FRMD4A: variants seen among roughly 807,000 people sequenced by gnomAD.
FRMD4A encodes the protein FERM domain containing 4A.
A neutral mutation model predicts 129.1 loss-of-function variants in FRMD4A; 29 were observed. The observed-to-expected ratio is 0.22, with a 90% CI of 0.17 to 0.31. The LOEUF (loss-of-function observed/expected upper bound fraction) is 0.31, where lower values mean the gene tolerates loss of function less well. FRMD4A is among the 10% of genes least tolerant of loss of function. The probability of loss-of-function intolerance (pLI) is 1.00; values close to 1 mark genes in which losing one functional copy is unlikely to be tolerated. For missense variants in FRMD4A, 1,272 were observed against 1,375.8 expected, an observed-to-expected ratio of 0.92 and a Z score of 1.19; for synonymous variants, 634 against 571.6, an observed-to-expected ratio of 1.11 and a Z score of -1.56.
At chr10:14,114,371 G>A (rs1299117438) in intron 2 of FRMD4A, among the ~76,000 whole-genome samples, 1 of 152,206 alleles carries the variant, frequency 6.6e-6, no homozygotes, top group East Asian at 1.9e-4. Context: ...ACCCCAGGAA[G>A]AGCCAGCGGA....
At chr10:14,037,425 C>T (rs1302394451) in intron 2 of FRMD4A, among the ~76,000 whole-genome samples, 2 of 152,172 alleles carry the variant, frequency 1.3e-5, no homozygotes, top group African/African-American at 4.8e-5. Flanking sequence ...GCCATGTTGG[C>T]CAGGCTGGTC....
chr10:13,652,681 C>T (rs74121363), intron 23 of FRMD4A, among the ~76,000 whole-genome samples: 3 of 152,186 alleles, frequency 2.0e-5, no homozygotes, highest in East Asian at 1.9e-4. Flanking sequence ...ACAGGAACAC[C>T]GAGCTGGGGC....
intron 2 of FRMD4A, among the ~76,000 whole-genome samples, chr10:13,877,283 G>A (rs1007569729): frequency 3.3e-5 from 5 of 152,136 alleles, no homozygotes; most frequent in Non-Finnish European, 5.9e-5. Context: ...CTAAACCTGT[G>A]TTGGATACAA....
chr10:14,302,471 A>T (rs1846216981), intron 2 of FRMD4A, among the ~76,000 whole-genome samples: 1 of 152,170 alleles, frequency 6.6e-6, no homozygotes, highest in African/African-American at 2.4e-5. Flanking sequence ...CCAGCTTCCA[A>T]CTTTGCCACG....
At chr10:14,044,197 T>G (rs1047749436) in intron 2 of FRMD4A, among the ~76,000 whole-genome samples, 3 of 152,196 alleles carry the variant, frequency 2.0e-5, no homozygotes, top group Non-Finnish European at 4.4e-5. Context: ...TGATTCTACC[T>G]TTTACATTCT....
intron 2 of FRMD4A, among the ~76,000 whole-genome samples, chr10:14,278,186 G>A (rs1327084083): frequency 1.3e-5 from 2 of 152,096 alleles, no homozygotes; most frequent in Non-Finnish European, 2.9e-5. Flanking sequence ...TTGGTTCTCA[G>A]GTCACTCAGT....
At chr10:14,265,331 A>G (rs938345551) in intron 2 of FRMD4A, among the ~76,000 whole-genome samples, 3 of 152,198 alleles carry the variant, frequency 2.0e-5, no homozygotes, top group Non-Finnish European at 4.4e-5. Context: ...GATGAAAATG[A>G]GTTGATGTTT....
At chr10:13,685,552 G>C in intron 15 of FRMD4A, 1 of 985,202 alleles carries the variant, frequency 1.0e-6, no homozygotes, top group African/African-American at 1.7e-5. Context: ...CAGGTTAACT[G>C]TGAATTTCAG....
intron 2 of FRMD4A, among the ~76,000 whole-genome samples, chr10:14,089,916 T>C (rs1465279240): frequency 6.6e-6 from 1 of 152,208 alleles, no homozygotes; most frequent in African/African-American, 2.4e-5. Flanking sequence ...TTCGTATATA[T>C]TGTACAGATT....
chr10:13,769,686 G>A (rs11594663), intron 6 of FRMD4A, among the ~76,000 whole-genome samples: 26,522 of 152,074 alleles, frequency 0.17, 3,002 homozygotes, highest in Non-Finnish European at 0.25. Context: ...TTGAATCAGT[G>A]GACTCAATAG....
chr10:13,678,790 T>C (rs1324306999), intron 15 of FRMD4A, among the ~76,000 whole-genome samples: 1 of 152,218 alleles, frequency 6.6e-6, no homozygotes, highest in African/African-American at 2.4e-5. Flanking sequence ...AAAAATTTTT[T>C]TAATTGGCAC....
Position 13,967,933 on chromosome 10 carries a change from C to A in FRMD4A, c.46-109021G>T, listed in dbSNP as rs542782973. Among the ~76,000 whole-genome samples, 10 of 152,314 alleles carry A rather than the reference C, an allele frequency of 6.6e-5. No homozygotes were observed. The East Asian group carries it at 1.7e-3, about 26-fold the overall frequency. On this transcript the variant is annotated intron_variant, in intron 2 of 24. Transcript: ENST00000357447. Reference sequence around the variant, plus strand: ...TGGTGGCGCATGCCTGTGGTCCCAACTACTTGGGAGGCTGAGGTGGAGGAT... The same window carrying A: ...TGGTGGCGCATGCCTGTGGTCCCAAATACTTGGGAGGCTGAGGTGGAGGAT...
chr10:13,884,182 A>ACT (rs1208227939), intron 2 of FRMD4A, among the ~76,000 whole-genome samples: 3 of 56,422 alleles, frequency 5.3e-5, no homozygotes, highest in South Asian at 8.0e-4. Context: ...ACACTCACAC[A>ACT]CACACACACA....
At chr10:13,910,765 T>C (rs576993410) in intron 2 of FRMD4A, among the ~76,000 whole-genome samples, 1 of 152,040 alleles carries the variant, frequency 6.6e-6, no homozygotes, top group Non-Finnish European at 1.5e-5. Flanking sequence ...AATAAACAAT[T>C]ATGCACACAG....
intron 14 of FRMD4A, among the ~76,000 whole-genome samples, chr10:13,699,372 C>T (rs752564372): frequency 5.9e-5 from 9 of 151,966 alleles, no homozygotes; most frequent in Admixed American, 2.0e-4. Flanking sequence ...CCATGGCGGC[C>T]GGCCAATAAT....
chr10:13,793,251 G>A (rs542597272), intron 5 of FRMD4A, among the ~76,000 whole-genome samples: 2 of 150,884 alleles, frequency 1.3e-5, no homozygotes, highest in East Asian at 3.9e-4. Flanking sequence ...TGCTCACTGT[G>A]ATCTCTGCCT....
intron 2 of FRMD4A, among the ~76,000 whole-genome samples, chr10:14,169,058 A>C (rs1355520164): frequency 6.6e-6 from 1 of 152,166 alleles, no homozygotes; most frequent in Non-Finnish European, 1.5e-5. Context: ...TTTGTAAGAG[A>C]ATCTGATGTG....
At chr10:14,244,747 C>G (rs1261196887) in intron 2 of FRMD4A, among the ~76,000 whole-genome samples, 2 of 152,176 alleles carry the variant, frequency 1.3e-5, no homozygotes, top group South Asian at 2.1e-4. Context: ...TCTAAAACAT[C>G]ACACCCAGGA....
intron 3 of FRMD4A, among the ~76,000 whole-genome samples, chr10:13,832,202 G>C (rs2093800797): frequency 1.3e-5 from 2 of 151,970 alleles, no homozygotes; most frequent in Non-Finnish European, 2.9e-5. Context: ...GCTTTCGGCT[G>C]CTCCCTCTCG....
Sources: allele counts gnomAD v4.1 joint callset (sites outside exome capture counted in the v4.1 genomes callset), GRCh38; gene constraint gnomAD v4.1.1; transcripts MANE v1.5; gene names NCBI Gene and HGNC (gene_info 2026-07-23, HGNC 2026-07-21).